Variants in POLG observed in about 807,000 individuals in gnomAD.
The protein encoded by POLG is DNA polymerase gamma, catalytic subunit, also known as DNA polymerase subunit gamma-1.
In POLG, 110 loss-of-function variants were observed where a neutral mutation model predicts 155.4. The observed-to-expected ratio is 0.71, with a 90% CI of 0.61 to 0.83. The LOEUF (loss-of-function observed/expected upper bound fraction) is 0.83, where lower values mean the gene tolerates loss of function less well. Ranked by LOEUF, POLG falls within the 40% of genes least tolerant of loss-of-function variation. The pLI, the probability that POLG is intolerant of heterozygous loss-of-function variation, is 0.00. For synonymous variants in POLG, 701 were observed against 631.5 expected (o/e 1.11, Z -1.65); for missense variants, 1,685 against 1,627.5 (o/e 1.04, Z -0.61).
Position 89,317,409 on chromosome 15 carries a change from T to A in POLG, c.3610A>T (p.Thr1204Ser), listed in dbSNP as rs761103159. ...ATCCCGTATCTCCTTTCCATCCCAG[T>A]TGGGTTGGAAGGGGTTTTACAATCC... ...TMDCKTPSNP[T>S]GMERRYGIPQ... The change falls in exon 22 of 23, where the codon ACT (threonine) becomes TCT (serine). Residue 1204 changes from threonine to serine, a missense_variant. By Grantham distance (58) the Thr-to-Ser change is moderately conservative. This residue lies in a region of POLG where 470 missense variants were observed against 439.9 expected (regional missense o/e 1.07). Transcript: ENST00000268124. 4 of 1,613,770 alleles carry A rather than the reference T, an allele frequency of 2.5e-6. No homozygotes were observed. In the East Asian group the frequency reaches 6.7e-5, roughly 27 times the overall value.
rs551973680 is a variant in POLG, at chr15:89,328,991, G to A, written c.975C>T (p.Pro325=). ...TCTGGGACTTCTGGCCTTGCTTTGT[G>A]GGGGGCTGGACCTTGTGTTTGCCCT... ...AKQGKHKVQP[P]TKQGQKSQRK... Residue 325 remains proline (P), a synonymous_variant, in exon 4 of 23, where the codon CCC becomes CCT. Coordinates refer to ENST00000268124, the MANE Select transcript of POLG (RefSeq NM_002693.3). The A allele has an allele frequency of 1.9e-6, 3 of 1,613,732 alleles. No homozygotes were observed. Among genetic ancestry groups the A allele is most frequent in the Non-Finnish European group, 8.5e-7 (1 of 1,180,032 alleles).
intron 10 of POLG, among the ~76,000 whole-genome samples, chr15:89,325,059 AGTGAGT>A (rs1447650034): frequency 1.2e-5 from 1 of 83,646 alleles, no homozygotes; most frequent in African/African-American, 5.0e-5. Flanking sequence ...TGAGTGAGAG[AGTGAGT>A]GAGTGAGTGA....
chr15:89,325,454 A>G lies in POLG; in HGVS notation c.1945T>C (p.Tyr649His). The change falls in exon 10 of 23, where the codon TAC becomes CAC. Residue 649 changes from tyrosine to histidine, a missense_variant. Physicochemically the swap from Tyr to His is moderately conservative, Grantham distance 83. This residue lies in a region of POLG where 1,210 missense variants were observed against 1,167.1 expected (regional missense o/e 1.04). Transcript: ENST00000268124. ...TLESAGVVCP[Y>H]RAIESLYRKH... ...TCCCCTGGGCCTAAGCCTTACCTGT[A>G]GGGGCAGACCACCCCAGCTGACTCC... 6.3e-7 allele frequency: 1 copy of G among 1,598,472 alleles called. No individual in the cohort carries two copies. The highest frequency in any genetic ancestry group is 8.5e-7 in the Non-Finnish European group (1 of 1,176,154).
chr15:89,326,539 C>T, intron 9 of POLG, 73 bp downstream of exon 9: 1 of 1,565,298 alleles, frequency 6.4e-7, no homozygotes, highest in Middle Eastern at 1.8e-4. Context: ...GTGCCAGAAC[C>T]CAGACCAGGG....
chr15:89,316,328 C>A lies in POLG; in HGVS notation c.*423G>T. On this transcript the variant is annotated 3_prime_UTR_variant, in exon 23 of 23. Coordinates refer to ENST00000268124, the MANE Select transcript of POLG (RefSeq NM_002693.3). ...GATGAGAAGATAGAGTCTTTTTTTT[C>A]CTTCTTTTTATTTCCACTGCCTTGG... 4.0e-5 allele frequency: 57 copies of A among 1,417,062 alleles called. No individual in the cohort carries two copies. Among genetic ancestry groups the A allele is most frequent in the East Asian group, 1.3e-4 (5 of 38,964 alleles). 87.8% of individuals were successfully genotyped at this position (1,417,062 alleles called of 1,614,324 possible). A position where few individuals can be genotyped will look rare whatever the true frequency, so the allele number is the denominator to read the frequency against.
intron 1 of POLG, 189 bp downstream of exon 1, chr15:89,334,484 A>C (rs1270297316): frequency 6.6e-6 from 1 of 151,996 alleles, no homozygotes; most frequent in Non-Finnish European, 1.5e-5. Context: ...CCCGGCCGAG[A>C]GCGTCCTGCA....
In POLG at chr15:89,319,117, G is replaced by A. The variant is rs2152059518; in HGVS notation, c.3105-18C>T. 1 of 1,614,180 alleles carries A rather than the reference G, an allele frequency of 6.2e-7. No individual in the cohort carries two copies. Among genetic ancestry groups the A allele is most frequent in the Non-Finnish European group, 8.5e-7 (1 of 1,180,026 alleles). On this transcript the variant is annotated intron_variant, in intron 19 of 22. Coordinates refer to ENST00000268124, the MANE Select transcript of POLG (RefSeq NM_002693.3). ...ACTGTGACCTAAGGGACCAGAAACA[G>A]AGGGCAGACTTTGTCTTTCAGCATC... is the stretch of plus-strand genomic sequence containing the variant.
intron 2 of POLG, among the ~76,000 whole-genome samples, 155 bp downstream of exon 2, chr15:89,332,941 T>C (rs2055613339): frequency 6.6e-6 from 1 of 152,090 alleles, no homozygotes; most frequent in South Asian, 2.1e-4. Flanking sequence ...AGAAAGTGAG[T>C]CCCACATAAA....
intron 9 of POLG, among the ~76,000 whole-genome samples, chr15:89,326,244 G>C (rs774392980): frequency 2.0e-5 from 3 of 152,230 alleles, no homozygotes; most frequent in Non-Finnish European, 4.4e-5. Context: ...AAGCCTTCTT[G>C]ATTTATTTCC....
intron 21 of POLG, 142 bp downstream of exon 21, chr15:89,318,399 A>AATT: frequency 1.5e-6 from 1 of 677,532 alleles, no homozygotes; most frequent in Non-Finnish European, 2.5e-6. Flanking sequence ...ACTTTTTAAA[A>AATT]ATTAGAAATA....
Position 89,321,202 on chromosome 15 carries a change from A to T in POLG, c.2657T>A (p.Leu886His). Residue 886 changes from leucine (L) to histidine (H), a missense_variant, in exon 17 of 23, where the codon CTT (leucine) becomes CAT (histidine). Physicochemically the swap from Leu to His is moderately conservative, Grantham distance 99. Coordinates refer to ENST00000268124, the MANE Select transcript of POLG (RefSeq NM_002693.3). ...AMVQAPPGYT[L>H]VGADVDSQEL... ...TTGGGAGTCCACATCAGCACCCACA[A>T]GGGTGTAGCCAGGTGGGGCCTGCAC... is the stretch of plus-strand genomic sequence containing the variant. 6.2e-7 allele frequency: 1 copy of T among 1,614,156 alleles called. No individual in the cohort carries two copies. The highest frequency in any genetic ancestry group is 1.1e-5 in the South Asian group (1 of 91,082).
Position 89,318,938 on chromosome 15 carries a change from T to C in POLG, c.3266A>G (p.Gln1089Arg), listed in dbSNP as rs369716454. Residue 1089 changes from glutamine to arginine, a missense_variant, in exon 20 of 23, where the codon CAG (glutamine) becomes CGG (arginine). This residue lies in a region of POLG where 470 missense variants were observed against 439.9 expected (regional missense o/e 1.07). Transcript: ENST00000268124. ...CCAAAGGTAGCAAGATACCTCTTCC[T>C]GGACAGCCGAGGGCTCCAGGGCTCG... is the stretch of plus-strand genomic sequence containing the variant. Reference protein sequence around the residue: ...ISRALEPSAVQEEFMTSRVNW... With the variant: ...ISRALEPSAVREEFMTSRVNW... 1.7e-5 allele frequency: 27 copies of C among 1,614,022 alleles called. No homozygotes were observed. The highest frequency in any genetic ancestry group is 1.6e-4 in the Middle Eastern group (1 of 6,084).
At chr15:89,323,037 A>ACGCACG in intron 13 of POLG, 135 bp from the exon 14 acceptor site, 1 of 879,850 alleles carries the variant, frequency 1.1e-6, no homozygotes, top group Non-Finnish European at 1.8e-6. Context: ...TGATTGTATC[A>ACGCACG]CGCACGCGCG....
At position 89,333,315 on chromosome 15, in the gene POLG, C is replaced by A. The variant is rs865946766; in HGVS notation, c.440G>T (p.Ser147Ile). 4 of 1,557,304 alleles carry A rather than the reference C, an allele frequency of 2.6e-6. No individual in the cohort carries two copies. The South Asian group carries it at 4.6e-5, about 18-fold the overall frequency. Residue 147 changes from serine (S) to isoleucine (I), a missense_variant, in exon 2 of 23, where the codon AGC (serine) becomes ATC (isoleucine). This residue lies in a region of POLG where 1,210 missense variants were observed against 1,167.1 expected (regional missense o/e 1.04). Coordinates refer to ENST00000268124, the MANE Select transcript of POLG (RefSeq NM_002693.3). ...QHFRLLAQKQ[S>I]LPYLEAANLL... is the part of the protein sequence containing the mutation. ...GTTGGCCGCCTCCAGGTAGGGCAGGCTCTGCTTCTGGGCCAGGAGGCGGAA... is the reference window on the plus strand; with the variant it reads ...GTTGGCCGCCTCCAGGTAGGGCAGGATCTGCTTCTGGGCCAGGAGGCGGAA...
Position 89,316,465 on chromosome 15 carries a change from A to G in POLG, c.*286T>C, listed in dbSNP as rs2055268529. 6.2e-7 allele frequency: 1 copy of G among 1,607,360 alleles called. No homozygotes were observed. Among genetic ancestry groups the G allele is most frequent in the Non-Finnish European group, 8.5e-7 (1 of 1,176,216 alleles). ...AGAAGAAAAGGAAAAAATAAATGAA[A>G]TGCCTGAGTTAATGTGAACTTTGGG... On this transcript the variant is annotated 3_prime_UTR_variant, in exon 23 of 23. Transcript: ENST00000268124.
At chr15:89,322,062 A>G (rs2055405049) in intron 14 of POLG, 47 bp from the exon 15 acceptor site, 3 of 1,567,296 alleles carry the variant, frequency 1.9e-6, no homozygotes, top group African/African-American at 2.7e-5. Context: ...TGGGAAGCAG[A>G]ATCTATCCCA....
chr15:89,317,638 T>C (rs2152057095), intron 21 of POLG, 102 bp from the exon 22 acceptor site: 1 of 1,119,342 alleles, frequency 8.9e-7, no homozygotes, highest in Middle Eastern at 2.3e-4. Context: ...GGGCTTCCCC[T>C]GGACCAACAC....
At chr15:89,331,119 G>A (rs2055588617) in intron 2 of POLG, among the ~76,000 whole-genome samples, 1 of 146,526 alleles carries the variant, frequency 6.8e-6, no homozygotes, top group South Asian at 2.2e-4. Flanking sequence ...CAGCTGCGAA[G>A]GAGCTCCTTG....
chr15:89,322,012 G>A lies in POLG; in HGVS notation c.2430C>T (p.Ser810=), dbSNP rs2152061898. 1.2e-6 allele frequency: 2 copies of A among 1,614,094 alleles called. No homozygotes were observed. Among genetic ancestry groups the A allele is most frequent in the Non-Finnish European group, 1.7e-6 (2 of 1,179,932 alleles). Reference sequence around the variant, plus strand: ...ACCTGGGCAGCCACACCACCATCTGGGAGCTGTGGGGACAGACAACGTGAG... The same window carrying A: ...ACCTGGGCAGCCACACCACCATCTGAGAGCTGTGGGGACAGACAACGTGAG... ...FWRNAHKRIS[S]QMVVWLPRSA... The change falls in exon 15 of 23, where the codon TCC becomes TCT. Residue 810 remains serine, a synonymous_variant. Transcript: ENST00000268124.
Sources: gnomAD v4.1 joint callset for allele counts (sites outside exome capture counted in the v4.1 genomes callset) on GRCh38, gnomAD v4.1.1 for gene constraint, gnomAD v4.1.1 regional missense constraint, MANE v1.5 for transcripts, NCBI Gene and HGNC (gene_info 2026-07-23, HGNC 2026-07-21) for gene names.